OLA1: variants seen among roughly 807,000 people sequenced by gnomAD.
OLA1 encodes the protein Obg like ATPase 1.
OLA1 carries 14 observed loss-of-function variants against 48.4 expected under a neutral mutation model. The observed-to-expected ratio is 0.29, with a 90% CI of 0.19 to 0.45. The LOEUF is 0.45. OLA1 is among the 20% of genes least tolerant of loss of function. OLA1 has a pLI of 1.00. For synonymous variants in OLA1, 127 were observed against 150.4 expected (o/e 0.84, Z 1.14); for missense variants, 325 against 467.1 (o/e 0.70, Z 2.80).
chr2:174,178,302 T>C (rs182487323), intron 4 of OLA1, among the ~76,000 whole-genome samples: 1 of 152,130 alleles, frequency 6.6e-6, no homozygotes, highest in Admixed American at 6.5e-5. Flanking sequence ...CTATTTTCTA[T>C]TTATTAATTA....
At chr2:174,241,301 G>A (rs993292706) in intron 2 of OLA1, among the ~76,000 whole-genome samples, 6 of 152,150 alleles carry the variant, frequency 3.9e-5, no homozygotes, top group African/African-American at 1.2e-4. Flanking sequence ...CATTCCCGAC[G>A]AACAAAAATT....
chr2:174,215,310 A>T (rs896895442), intron 4 of OLA1, among the ~76,000 whole-genome samples: 2 of 152,188 alleles, frequency 1.3e-5, no homozygotes, highest in Non-Finnish European at 2.9e-5. Context: ...CAATTTGTAA[A>T]ATAAAATATG....
intron 4 of OLA1, among the ~76,000 whole-genome samples, chr2:174,195,844 C>T (rs1317925672): frequency 2.6e-5 from 4 of 152,100 alleles, no homozygotes; most frequent in African/African-American, 9.7e-5. Context: ...AAGCTTTTTA[C>T]AAAGTACAAG....
chr2:174,188,371 A>AATAATAATAATAAT (rs1558995992), intron 4 of OLA1, among the ~76,000 whole-genome samples: 1 of 149,260 alleles, frequency 6.7e-6, no homozygotes, highest in African/African-American at 2.5e-5. Context: ...TTCCTCCTAA[A>AATAATAATAATAAT]AATAATAATA....
At chr2:174,086,018 T>A (rs2105342407) in intron 7 of OLA1, among the ~76,000 whole-genome samples, 1 of 152,178 alleles carries the variant, frequency 6.6e-6, no homozygotes, top group Non-Finnish European at 1.5e-5. Context: ...CAGCTGCAGA[T>A]ATTTCTAAGG....
At chr2:174,084,913 C>A (rs1037721154) in intron 7 of OLA1, among the ~76,000 whole-genome samples, 2 of 152,102 alleles carry the variant, frequency 1.3e-5, no homozygotes, top group Non-Finnish European at 2.9e-5. Flanking sequence ...CAAAGAATAT[C>A]AAATTATATG....
chr2:174,180,059 C>T (rs866132209), intron 4 of OLA1, among the ~76,000 whole-genome samples: 97 of 151,932 alleles, frequency 6.4e-4, no homozygotes, highest in Middle Eastern at 3.4e-3. Flanking sequence ...CTAGGGCAAC[C>T]TTAAGTTTAT....
chr2:174,189,611 A>C (rs1687730919), intron 4 of OLA1, among the ~76,000 whole-genome samples: 1 of 152,194 alleles, frequency 6.6e-6, no homozygotes, highest in African/African-American at 2.4e-5. Context: ...AAGTGCAAAA[A>C]TATGCAGGTT....
intron 7 of OLA1, among the ~76,000 whole-genome samples, chr2:174,107,719 T>C (rs767169091): frequency 3.3e-5 from 5 of 152,136 alleles, no homozygotes; most frequent in Admixed American, 2.0e-4. Flanking sequence ...ATCATTCTGA[T>C]ATTTAATCAC....
At chr2:174,135,037 G>A (rs1261601306) in intron 5 of OLA1, among the ~76,000 whole-genome samples, 1 of 151,914 alleles carries the variant, frequency 6.6e-6, no homozygotes, top group African/African-American at 2.4e-5. Flanking sequence ...GCGGGCGCCT[G>A]TAGTCCCAGC....
rs1248324518 is a variant in OLA1 at position 174,087,181 on chromosome 2, C to T, written c.729-5117G>A. ...AGCTGGGATTACAGGTGCCCGCCAC[C>T]ACACCCAGACAATTTTTGTATTTTA... On this transcript the variant is annotated intron_variant, in intron 7 of 10. Transcript: ENST00000284719. Among the ~76,000 whole-genome samples, 11 of 151,976 alleles carry T rather than the reference C, an allele frequency of 7.2e-5. 1 individual carries two copies. The highest frequency in any genetic ancestry group is 2.9e-5 in the Non-Finnish European group (2 of 67,998).
chr2:174,166,408 G>A (rs1687166339), intron 4 of OLA1, among the ~76,000 whole-genome samples: 1 of 152,118 alleles, frequency 6.6e-6, no homozygotes, highest in Non-Finnish European at 1.5e-5. Context: ...AGACAAGGAA[G>A]CTCTCCTTAG....
chr2:174,155,118 C>CA (rs1340342798), intron 4 of OLA1, among the ~76,000 whole-genome samples: 1 of 152,126 alleles, frequency 6.6e-6, no homozygotes, highest in Non-Finnish European at 1.5e-5. Context: ...TGACCTATAG[C>CA]ATGTACATCT....
At chr2:174,223,303 CT>C (rs1688546071) in intron 3 of OLA1, 143 bp from the exon 4 acceptor site, 2 of 748,204 alleles carry the variant, frequency 2.7e-6, no homozygotes, top group Admixed American at 3.2e-5. Flanking sequence ...ATATCCACCC[CT>C]CCCCCCAAAA....
At chr2:174,226,505 T>C (rs2105453648) in intron 3 of OLA1, among the ~76,000 whole-genome samples, 1 of 152,100 alleles carries the variant, frequency 6.6e-6, no homozygotes, top group Admixed American at 6.5e-5. Flanking sequence ...AGGAATTTCT[T>C]TTGTTCTTTT....
intron 4 of OLA1, among the ~76,000 whole-genome samples, chr2:174,191,473 G>A (rs1443729519): frequency 1.3e-5 from 2 of 151,486 alleles, no homozygotes; most frequent in African/African-American, 2.4e-5. Context: ...GTGAAGACAG[G>A]GTCCTGGCTC....
At chr2:174,100,833 C>G (rs928426474) in intron 7 of OLA1, among the ~76,000 whole-genome samples, 1 of 152,136 alleles carries the variant, frequency 6.6e-6, no homozygotes, top group Non-Finnish European at 1.5e-5. Flanking sequence ...TTCCATGAAT[C>G]CTCACCTTCT....
intron 4 of OLA1, among the ~76,000 whole-genome samples, chr2:174,210,255 G>A (rs1688211822): frequency 6.6e-6 from 1 of 152,022 alleles, no homozygotes; most frequent in South Asian, 2.1e-4. Context: ...CATATAATCA[G>A]GAGAAGAAAA....
intron 7 of OLA1, among the ~76,000 whole-genome samples, chr2:174,115,285 C>T (rs756023363): frequency 3.3e-5 from 5 of 152,036 alleles, no homozygotes; most frequent in Admixed American, 6.5e-5. Flanking sequence ...AGTTGTACAT[C>T]GAGGGGCTTT....
Sources: allele counts gnomAD v4.1 joint callset (sites outside exome capture counted in the v4.1 genomes callset), GRCh38; gene constraint gnomAD v4.1.1; transcripts MANE v1.5; gene names NCBI Gene and HGNC (gene_info 2026-07-23, HGNC 2026-07-21).